H3-3A: variants seen among roughly 807,000 people sequenced by gnomAD.
H3-3A encodes H3.3 histone A.
For missense variants in H3-3A, 7 were observed against 184.0 expected (o/e 0.04, Z 5.57); for synonymous variants, 49 against 61.4 (o/e 0.80, Z 0.95).
chr1:226,067,667 G>A (rs1055333013), intron 3 of H3-3A, among the ~76,000 whole-genome samples: 3 of 151,844 alleles, frequency 2.0e-5, no homozygotes, highest in Admixed American at 6.6e-5. Context: ...GCTTAAACCC[G>A]GAAAGCAGAG....
Position 226,071,608 on chromosome 1 carries a change from A to AT in H3-3A, c.*131dup, listed in dbSNP as rs753118899. 2.1e-6 allele frequency: 1 copy of AT among 465,564 alleles called. No individual in the cohort carries two copies. The highest frequency in any genetic ancestry group is 3.7e-6 in the Non-Finnish European group (1 of 268,600). The allele number at this position is 465,564 out of a possible 1,614,324, so 28.8% of individuals were successfully genotyped here. On this transcript the variant is annotated 3_prime_UTR_variant, in exon 4 of 4. Transcript: ENST00000366815. ...GGGTCAAAAGGTACCTAAGTATATG[A>AT]TTGCGAGTGGAAAAATAGGGGACAG...
At chr1:226,067,150 TTGAAAAG>T (rs1320026450) in intron 3 of H3-3A, 1 of 152,232 alleles carries the variant, frequency 6.6e-6, no homozygotes, top group East Asian at 1.9e-4. Flanking sequence ...AATACTGTAC[TTGAAAAG>T]TGTAGCGTTT....
chr1:226,071,209 G>T (rs1675638232), intron 3 of H3-3A, 142 bp from the exon 4 acceptor site: 1 of 628,964 alleles, frequency 1.6e-6, no homozygotes, highest in Non-Finnish European at 2.7e-6. Flanking sequence ...GTTGTAAAAT[G>T]TAAGCATTTG....
chr1:226,067,470 G>C (rs949818964), intron 3 of H3-3A, among the ~76,000 whole-genome samples: 2 of 152,150 alleles, frequency 1.3e-5, no homozygotes, highest in African/African-American at 2.4e-5. Flanking sequence ...CGGGCGCCGT[G>C]ACTCACATCT....
intron 3 of H3-3A, among the ~76,000 whole-genome samples, chr1:226,067,648 A>G: frequency 6.6e-6 from 1 of 152,182 alleles, no homozygotes; most frequent in South Asian, 2.1e-4. Context: ...AGGCTGAGGC[A>G]GGAGAATTGC....
chr1:226,063,249 C>T (rs951550644), intron 1 of H3-3A, among the ~76,000 whole-genome samples: 1 of 152,140 alleles, frequency 6.6e-6, no homozygotes, highest in Non-Finnish European at 1.5e-5. Flanking sequence ...CTTTTTGCTG[C>T]CTCCCCACAG....
chr1:226,065,643 T>G lies in H3-3A; in HGVS notation c.129-13T>G. The G allele has an allele frequency of 6.6e-7, 1 of 1,525,948 alleles. No homozygotes were observed. The highest frequency in any genetic ancestry group is 8.8e-7 in the Non-Finnish European group (1 of 1,130,824). The allele number at this position is 1,525,948 out of a possible 1,614,324, so 94.5% of individuals were successfully genotyped here. The stretch of plus-strand genomic sequence containing the variant: ...ATGTTTTTGGTAACAGTTTCTTTAT[T>G]AATTTTTTAAAGGCCTGGTACTGTG... On this transcript the variant is annotated splice_polypyrimidine_tract_variant and intron_variant, in intron 2 of 3. Coordinates refer to ENST00000366815, the MANE Select transcript of H3-3A (RefSeq NM_002107.7).
At chr1:226,065,348 A>G (rs1179029759) in intron 2 of H3-3A, among the ~76,000 whole-genome samples, 1 of 152,186 alleles carries the variant, frequency 6.6e-6, no homozygotes. Flanking sequence ...CAACTTCTTC[A>G]TTAGCCTGAC....
At chr1:226,069,049 CTT>C (rs71574557) in intron 3 of H3-3A, among the ~76,000 whole-genome samples, 74 of 141,564 alleles carry the variant, frequency 5.2e-4, no homozygotes, top group Admixed American at 6.3e-4. Flanking sequence ...GTGAAAGTAC[CTT>C]TTTTTTTTTT....
At chr1:226,064,154 T>A (rs1359414719) in intron 1 of H3-3A, 175 bp from the exon 2 acceptor site, 4 of 516,478 alleles carry the variant, frequency 7.7e-6, no homozygotes, top group Middle Eastern at 5.2e-4. Flanking sequence ...CTAGTTTGTT[T>A]CAAGAAGAGA....
chr1:226,068,884 A>G (rs1658006785), intron 3 of H3-3A, among the ~76,000 whole-genome samples: 1 of 152,232 alleles, frequency 6.6e-6, no homozygotes, highest in African/African-American at 2.4e-5. Context: ...TTTCTCCTTC[A>G]TGGAATAGTC....
chr1:226,062,416 G>A (rs1238187233), upstream of H3-3A, among the ~76,000 whole-genome samples: 3 of 151,358 alleles, frequency 2.0e-5, no homozygotes, highest in South Asian at 2.1e-4. Context: ...GGAGTGCAGG[G>A]CCGGGGGCGG....
chr1:226,064,976 C>T (rs913478652), intron 2 of H3-3A, among the ~76,000 whole-genome samples: 2 of 152,186 alleles, frequency 1.3e-5, no homozygotes, highest in Non-Finnish European at 2.9e-5. Context: ...TTGTTAAGGG[C>T]ATCTGCCATT....
chr1:226,066,652 A>T (rs1040672237), intron 3 of H3-3A: 3 of 152,270 alleles, frequency 2.0e-5, no homozygotes, highest in African/African-American at 7.2e-5. Flanking sequence ...CAAGTATCCC[A>T]GAATACAGTA....
intron 2 of H3-3A, among the ~76,000 whole-genome samples, chr1:226,064,907 G>C (rs1222460959): frequency 6.6e-6 from 1 of 152,264 alleles, no homozygotes; most frequent in East Asian, 1.9e-4. Context: ...TCATTTACTT[G>C]ATTAGCTTAT....
chr1:226,071,605 A>G lies in H3-3A; in HGVS notation c.*126A>G. 1 of 479,686 alleles carries G rather than the reference A, an allele frequency of 2.1e-6. No homozygotes were observed. Among genetic ancestry groups the G allele is most frequent in the Non-Finnish European group, 3.6e-6 (1 of 276,692 alleles). The allele number at this position is 479,686 out of a possible 1,614,324, so 29.7% of individuals were successfully genotyped here. ...ATGGGGTCAAAAGGTACCTAAGTAT[A>G]TGATTGCGAGTGGAAAAATAGGGGA... On this transcript the variant is annotated 3_prime_UTR_variant, in exon 4 of 4. Coordinates refer to ENST00000366815, the MANE Select transcript of H3-3A (RefSeq NM_002107.7).
At chr1:226,062,099 G>C (rs944110033), upstream of H3-3A, 4 of 152,182 alleles carry the variant, frequency 2.6e-5, no homozygotes, top group African/African-American at 4.8e-5. Flanking sequence ...GGCCAGGTCC[G>C]ACAGCGGGCG....
rs1658140737 is a variant in H3-3A, at chr1:226,071,935, A to G, written c.*456A>G. ...ACTGAGTTGTCCTACATGCAAGTAC[A>G]TGTTTTTAATGTTGTCTGTCTTCTG... On this transcript the variant is annotated 3_prime_UTR_variant, in exon 4 of 4. Transcript: ENST00000366815. The G allele has an allele frequency of 9.1e-6, 2 of 218,842 alleles. No individual in the cohort carries two copies. The highest frequency in any genetic ancestry group is 4.5e-5 in the African/African-American group (2 of 44,320). 13.6% of individuals were successfully genotyped at this position (218,842 alleles called of 1,614,324 possible).
chr1:226,064,246 TTTGGG>T (rs1273259293), intron 1 of H3-3A, 78 bp from the exon 2 acceptor site: 15 of 925,062 alleles, frequency 1.6e-5, no homozygotes, highest in Admixed American at 4.6e-5. Flanking sequence ...AATTTCCAGA[TTTGGG>T]GAGGGGGTGA....
Sources: gnomAD v4.1 joint callset for allele counts (sites outside exome capture counted in the v4.1 genomes callset) on GRCh38, gnomAD v4.1.1 for gene constraint, MANE v1.5 for transcripts, NCBI Gene and HGNC (gene_info 2026-07-23, HGNC 2026-07-21) for gene names.